The following PIK3C2A variants were observed in gnomAD, a reference collection of about 807,000 sequenced individuals.
PIK3C2A encodes phosphatidylinositol-4-phosphate 3-kinase catalytic subunit type 2 alpha.
Under a neutral mutation model 204.5 loss-of-function variants are expected in PIK3C2A, and 97 were observed. That is an observed-to-expected ratio of 0.47 (90% CI 0.40 to 0.56). The LOEUF is 0.56. Ranked by LOEUF, PIK3C2A falls within the 20% of genes least tolerant of loss-of-function variation. The pLI is 0.00. For missense variants in PIK3C2A, 1,735 were observed against 1,969.2 expected (o/e 0.88, Z 2.25); for synonymous variants, 653 against 664.4 (o/e 0.98, Z 0.26).
At position 17,090,764 on chromosome 11, in the gene PIK3C2A, G is replaced by T. The variant is rs180756046; in HGVS notation, c.4878+570C>A. Reference sequence around the variant, plus strand: ...AAAATTTTTTTTTTTTTGGGACAGGGTCTCTCACTCTGTTGCCCAGTCTGG... The same window carrying T: ...AAAATTTTTTTTTTTTTGGGACAGGTTCTCTCACTCTGTTGCCCAGTCTGG... On this transcript the variant is annotated intron_variant, in intron 32 of 32. Transcript: ENST00000691414. 1.9e-4 allele frequency among the ~76,000 whole-genome samples: 29 copies of T among 151,826 alleles called. No individual in the cohort carries two copies. The East Asian group carries it at 5.0e-3, about 26-fold the overall frequency.
Position 17,150,562 on chromosome 11 carries a change from A to G in PIK3C2A, c.1263T>C (p.Asn421=). 1 of 1,611,708 alleles carries G rather than the reference A, an allele frequency of 6.2e-7. No homozygotes were observed. The highest frequency in any genetic ancestry group is 1.1e-5 in the South Asian group (1 of 90,904). Residue 421 remains asparagine (N), a synonymous_variant, in exon 4 of 33, where the codon AAT becomes AAC. Coordinates refer to ENST00000691414, the MANE Select transcript of PIK3C2A (RefSeq NM_002645.4). ...VTAQRNICGE[N]ASVKVSIDIE... ...TGTCAATGGAGACCTTCACACTAGC[A>G]TTTTCTCCGCATATGTTTCTTTGTG...
At position 17,114,537 on chromosome 11, in the gene PIK3C2A, T is replaced by C. The variant is rs2137324092; in HGVS notation, c.3217-72A>G. On this transcript the variant is annotated intron_variant, in intron 19 of 32. Coordinates refer to ENST00000691414, the MANE Select transcript of PIK3C2A (RefSeq NM_002645.4). The stretch of plus-strand genomic sequence containing the variant: ...TCTATTTTTCAGACAAGTTATGCTG[T>C]GGATACAATTTATAAAATGCCCAGT... 5 of 703,692 alleles carry C rather than the reference T, an allele frequency of 7.1e-6. No homozygotes were observed. In the South Asian group the frequency reaches 7.6e-5, roughly 11 times the overall value. 43.6% of individuals were successfully genotyped at this position (703,692 alleles called of 1,614,324 possible).
chr11:17,130,372 T>C (rs1048953376), intron 12 of PIK3C2A, among the ~76,000 whole-genome samples: 2 of 152,210 alleles, frequency 1.3e-5, no homozygotes, highest in African/African-American at 2.4e-5. Flanking sequence ...TGTTACTTGA[T>C]TGCTTTCACA....
intron 1 of PIK3C2A, among the ~76,000 whole-genome samples, chr11:17,170,401 G>A (rs1364939523): frequency 6.6e-6 from 1 of 152,122 alleles, no homozygotes; most frequent in Non-Finnish European, 1.5e-5. Flanking sequence ...TGAATAATAA[G>A]ACAAAGTGTT....
At chr11:17,142,969 T>G (rs991033817) in intron 8 of PIK3C2A, among the ~76,000 whole-genome samples, 1 of 151,512 alleles carries the variant, frequency 6.6e-6, no homozygotes, top group African/African-American at 2.4e-5. Context: ...GGATTTTTTT[T>G]TTTTTAAGAT....
At position 17,089,633 on chromosome 11, in the gene PIK3C2A, A is replaced by C; in HGVS notation, c.*105T>G. ...ATAAGTTCTGTCCAAGTATAAAAAT[A>C]CTATACAAAATTAACAAGTGTGTGT... is the stretch of plus-strand genomic sequence containing the variant. On this transcript the variant is annotated 3_prime_UTR_variant, in exon 33 of 33. Coordinates refer to ENST00000691414, the MANE Select transcript of PIK3C2A (RefSeq NM_002645.4). 1 of 676,318 alleles carries C rather than the reference A, an allele frequency of 1.5e-6. No individual in the cohort carries two copies. Among genetic ancestry groups the C allele is most frequent in the Non-Finnish European group, 2.5e-6 (1 of 403,006 alleles). 41.9% of individuals were successfully genotyped at this position (676,318 alleles called of 1,614,324 possible). A position where few individuals can be genotyped will look rare whatever the true frequency, so the allele number is the denominator to read the frequency against.
intron 28 of PIK3C2A, among the ~76,000 whole-genome samples, chr11:17,093,163 G>A (rs78674038): frequency 6.6e-6 from 1 of 152,128 alleles, no homozygotes; most frequent in Non-Finnish European, 1.5e-5. Flanking sequence ...GAAAAAACTC[G>A]ACACAGGAAA....
chr11:17,136,736 C>T (rs1849885736), intron 8 of PIK3C2A, 111 bp from the exon 9 acceptor site: 11 of 558,568 alleles, frequency 2.0e-5, no homozygotes, highest in Non-Finnish European at 3.4e-5. Flanking sequence ...ATATCCTCTA[C>T]TCTTTTGTGA....
At chr11:17,107,243 G>A (rs1479150070) in intron 22 of PIK3C2A, among the ~76,000 whole-genome samples, 1 of 152,152 alleles carries the variant, frequency 6.6e-6, no homozygotes, top group Admixed American at 6.6e-5. Flanking sequence ...AACCCAGGAG[G>A]CGGAGCTTGC....
chr11:17,116,291 T>G (rs575754192), intron 19 of PIK3C2A, among the ~76,000 whole-genome samples: 103 of 152,148 alleles, frequency 6.8e-4, no homozygotes, highest in Non-Finnish European at 1.2e-3. Context: ...TATGAGAATG[T>G]GCTCAATATC....
At chr11:17,107,481 G>A (rs1848862715) in intron 22 of PIK3C2A, among the ~76,000 whole-genome samples, 1 of 152,122 alleles carries the variant, frequency 6.6e-6, no homozygotes, top group Non-Finnish European at 1.5e-5. Context: ...AAGAAGGATG[G>A]TTGTGCATAT....
chr11:17,175,380 T>A (rs539261395), intron 1 of PIK3C2A, among the ~76,000 whole-genome samples: 1 of 152,220 alleles, frequency 6.6e-6, no homozygotes, highest in Admixed American at 6.5e-5. Flanking sequence ...TATACTAAAA[T>A]GGCAATAAAA....
At chr11:17,140,428 G>A (rs1486697649) in intron 8 of PIK3C2A, among the ~76,000 whole-genome samples, 1 of 151,996 alleles carries the variant, frequency 6.6e-6, no homozygotes, top group Non-Finnish European at 1.5e-5. Context: ...CTAATCATTT[G>A]GCAAATAAAC....
intron 1 of PIK3C2A, among the ~76,000 whole-genome samples, chr11:17,201,456 G>A (rs1173098216): frequency 2.0e-5 from 3 of 150,008 alleles, no homozygotes; most frequent in Non-Finnish European, 4.4e-5. Flanking sequence ...GAGCCTGGGA[G>A]GCAGAGGTTG....
At position 17,089,708 on chromosome 11, in the gene PIK3C2A, C is replaced by A. The variant is rs1243919561; in HGVS notation, c.*30G>T. 1 of 1,510,826 alleles carries A rather than the reference C, an allele frequency of 6.6e-7. No homozygotes were observed. Among genetic ancestry groups the A allele is most frequent in the Admixed American group, 1.7e-5 (1 of 58,384 alleles). 93.6% of individuals were successfully genotyped at this position (1,510,826 alleles called of 1,614,324 possible). A position where few individuals can be genotyped will look rare whatever the true frequency, so the allele number is the denominator to read the frequency against. On this transcript the variant is annotated 3_prime_UTR_variant, in exon 33 of 33. Transcript: ENST00000691414. ...GTATGCATGCACGTTTATAACTGTTCATGCTTCCAAAGCTCAAACATTCAC... is the reference window on the plus strand; with the variant it reads ...GTATGCATGCACGTTTATAACTGTTAATGCTTCCAAAGCTCAAACATTCAC...
At chr11:17,155,323 T>C (rs960775359) in intron 3 of PIK3C2A, among the ~76,000 whole-genome samples, 2 of 152,192 alleles carry the variant, frequency 1.3e-5, no homozygotes, top group African/African-American at 4.8e-5. Context: ...ACCTCAATTT[T>C]TTCTTCCAAA....
chr11:17,175,059 AAAG>A (rs755316084), intron 1 of PIK3C2A, among the ~76,000 whole-genome samples: 58 of 152,360 alleles, frequency 3.8e-4, no homozygotes, highest in Non-Finnish European at 4.4e-4. Context: ...CACTATTCTG[AAAG>A]AAGGATCTAG....
At chr11:17,119,140 C>A in intron 17 of PIK3C2A, 80 bp downstream of exon 17, 1 of 813,686 alleles carries the variant, frequency 1.2e-6, no homozygotes, top group South Asian at 1.6e-5. Flanking sequence ...TTAATCTAAA[C>A]AGAATGGGGA....
chr11:17,093,411 C>T (rs1351521359), intron 28 of PIK3C2A, among the ~76,000 whole-genome samples: 3 of 152,142 alleles, frequency 2.0e-5, no homozygotes, highest in Non-Finnish European at 2.9e-5. Flanking sequence ...GGACTACAGG[C>T]GCCTGCCACC....
Sources: allele counts gnomAD v4.1 joint callset (sites outside exome capture counted in the v4.1 genomes callset), GRCh38; gene constraint gnomAD v4.1.1; transcripts MANE v1.5; gene names NCBI Gene and HGNC (gene_info 2026-07-23, HGNC 2026-07-21).